PCDHGB4: variants seen among roughly 807,000 people sequenced by gnomAD.
PCDHGB4 encodes the protein protocadherin gamma-B4.
PCDHGB4 carries 38 observed loss-of-function variants against 60.5 expected under a neutral mutation model. The ratio of observed to expected loss-of-function variants is 0.63; its 90% CI spans 0.48 to 0.82. The LOEUF is 0.82. Ranked by LOEUF, PCDHGB4 falls within the 40% of genes least tolerant of loss-of-function variation. PCDHGB4 has a pLI of 0.00. For missense variants in PCDHGB4, 1,109 were observed against 1,209.6 expected (o/e 0.92, Z 1.23); for synonymous variants, 456 against 509.7 (o/e 0.89, Z 1.42).
At position 141,433,251 on chromosome 5, in the gene PCDHGB4, C is replaced by T. The variant is rs1022165468; in HGVS notation, c.2397+42970C>T. The T allele has an allele frequency of 1.1e-5, 16 of 1,423,126 alleles. No homozygotes were observed. In the East Asian group the frequency reaches 3.7e-4, roughly 33 times the overall value. 88.2% of individuals were successfully genotyped at this position (1,423,126 alleles called of 1,614,324 possible). A position where few individuals can be genotyped will look rare whatever the true frequency, so the allele number is the denominator to read the frequency against. ...CTCTGTCTCCCAAGCTGGAATGCAGCGGTACGATCATAGCTCACTGCAGCC... is the reference window on the plus strand; with the variant it reads ...CTCTGTCTCCCAAGCTGGAATGCAGTGGTACGATCATAGCTCACTGCAGCC... On this transcript the variant is annotated intron_variant, in intron 1 of 3. Transcript: ENST00000519479.
chr5:141,431,237 C>A lies in PCDHGB4; in HGVS notation c.2397+40956C>A. 1 of 1,614,170 alleles carries A rather than the reference C, an allele frequency of 6.2e-7. No homozygotes were observed. Among genetic ancestry groups the A allele is most frequent in the Non-Finnish European group, 8.5e-7 (1 of 1,180,044 alleles). The stretch of plus-strand genomic sequence containing the variant: ...GTTCCCTCTACCCCACGCCTGGGAT[C>A]CGGATATCGGGAAGAACTCTCTGCA... On this transcript the variant is annotated intron_variant, in intron 1 of 3. Transcript: ENST00000519479. The surrounding 1 kb of genome is among the most constrained non-coding windows in gnomAD (Gnocchi z 4.8).
At chr5:141,498,318 G>T (rs927950671) in intron 2 of PCDHGB4, among the ~76,000 whole-genome samples, 2 of 151,792 alleles carry the variant, frequency 1.3e-5, no homozygotes, top group African/African-American at 4.8e-5. Flanking sequence ...TGCCTACACA[G>T]AAGGAAGAGC....
intron 1 of PCDHGB4, among the ~76,000 whole-genome samples, chr5:141,447,165 G>T (rs1192617600): frequency 6.6e-6 from 1 of 151,842 alleles, no homozygotes; most frequent in African/African-American, 2.4e-5. Flanking sequence ...TTTAAGCGGG[G>T]TCTTGCTCTT....
rs376494807 is a variant in PCDHGB4 at position 141,491,836 on chromosome 5, G to A, written c.2398-2971G>A. 4.2e-5 allele frequency: 62 copies of A among 1,472,880 alleles called. No homozygotes were observed. The highest frequency in any genetic ancestry group is 3.6e-4 in the Middle Eastern group (2 of 5,606). 91.2% of individuals were successfully genotyped at this position (1,472,880 alleles called of 1,614,324 possible). A position where few individuals can be genotyped will look rare whatever the true frequency, so the allele number is the denominator to read the frequency against. On this transcript the variant is annotated intron_variant, in intron 1 of 3. Coordinates refer to ENST00000519479, the MANE Select transcript of PCDHGB4 (RefSeq NM_003736.4). This position sits in a 1 kb window ranked among gnomAD's most constrained non-coding sequence, Gnocchi z 6.9. ...CTGGCTGCGCTCCACCCGATTCTCG[G>A]GATCATTGGACCGTTTGCGCGAAAC...
chr5:141,441,103 A>C (rs2098225469), intron 1 of PCDHGB4: 1 of 152,198 alleles, frequency 6.6e-6, no homozygotes, highest in Non-Finnish European at 1.5e-5. Flanking sequence ...AGAGGGACTC[A>C]TTGTCCAGTG....
intron 1 of PCDHGB4, chr5:141,416,811 A>C (rs1355425793): frequency 2.6e-5 from 4 of 152,188 alleles, no homozygotes; most frequent in Non-Finnish European, 5.9e-5. Context: ...AAAGTCAAAA[A>C]GCATTCCGAA....
chr5:141,401,342 C>CA (rs929380194), intron 1 of PCDHGB4, among the ~76,000 whole-genome samples: 26 of 150,494 alleles, frequency 1.7e-4, no homozygotes, highest in East Asian at 1.6e-3. Context: ...AACTCCATCT[C>CA]AAAAAAAAGG....
chr5:141,496,772 T>C (rs994207358), intron 2 of PCDHGB4, among the ~76,000 whole-genome samples: 9 of 152,008 alleles, frequency 5.9e-5, no homozygotes, highest in African/African-American at 1.2e-4. Flanking sequence ...GCATCTACTA[T>C]GAGCAGGGCC....
At chr5:141,507,432 C>T (rs2099860585) in intron 3 of PCDHGB4, 1 of 152,198 alleles carries the variant, frequency 6.6e-6, no homozygotes. Flanking sequence ...GGGGCCAGGC[C>T]TACAGCTGAC....
rs1323439261 is a variant in PCDHGB4 at position 141,389,560 on chromosome 5, G to T, written c.1676G>T (p.Arg559Leu). 3.1e-6 allele frequency: 5 copies of T among 1,613,224 alleles called. No individual in the cohort carries two copies. Among genetic ancestry groups the T allele is most frequent in the Non-Finnish European group, 4.2e-6 (5 of 1,179,778 alleles). ...LVDDRNDNAP[R>L]VLYPALGPDG... Reference sequence around the variant, plus strand: ...GACGACCGCAACGACAATGCGCCACGGGTGCTGTACCCCGCGCTGGGTCCC... The same window carrying T: ...GACGACCGCAACGACAATGCGCCACTGGTGCTGTACCCCGCGCTGGGTCCC... The change falls in exon 1 of 4, where the codon CGG becomes CTG. Residue 559 changes from arginine to leucine, a missense_variant. Physicochemically the swap from Arg to Leu is moderately radical, Grantham distance 102. Around this residue, in one of 2 missense-constraint regions of PCDHGB4, gnomAD observed 1,068 missense variants for 1,089.9 expected, o/e 0.98. Transcript: ENST00000519479.
At position 141,389,488 on chromosome 5, in the gene PCDHGB4, A is replaced by G. The variant is rs1405287897; in HGVS notation, c.1604A>G (p.Gln535Arg). 1.2e-6 allele frequency: 2 copies of G among 1,612,912 alleles called. No individual in the cohort carries two copies. The highest frequency in any genetic ancestry group is 1.7e-6 in the Non-Finnish European group (2 of 1,179,726). The change falls in exon 1 of 4, where the codon CAG (glutamine) becomes CGG (arginine). Residue 535 changes from glutamine (Q) to arginine (R), a missense_variant. Gln to Arg is a conservative substitution (Grantham distance 43). Coordinates refer to ENST00000519479, the MANE Select transcript of PCDHGB4 (RefSeq NM_003736.4). ...AFELTLQARD[Q>R]GSPALSANVS... is the part of the protein sequence containing the mutation. ...GAACTCACACTGCAGGCCCGCGACC[A>G]GGGCTCGCCAGCGCTCAGCGCGAAC...
chr5:141,421,476 C>A, intron 1 of PCDHGB4: 2 of 1,614,158 alleles, frequency 1.2e-6, no homozygotes, highest in Non-Finnish European at 1.7e-6. Context: ...CGCGAAGCGG[C>A]AGCTTGATCA....
At chr5:141,413,385 A>G (rs1328460811) in intron 1 of PCDHGB4, 23 of 1,613,870 alleles carry the variant, frequency 1.4e-5, no homozygotes, top group Non-Finnish European at 1.8e-5. Flanking sequence ...GAGTCCGCAT[A>G]GTCTCCAGAG....
At chr5:141,419,600 G>A (rs1304962440) in intron 1 of PCDHGB4, 3 of 1,611,816 alleles carry the variant, frequency 1.9e-6, no homozygotes, top group Non-Finnish European at 2.5e-6. Context: ...AGTGCCGCGG[G>A]CCGCGCAGCC....
In PCDHGB4 at chr5:141,431,149, G is replaced by A. The variant is rs150692324; in HGVS notation, c.2397+40868G>A. Reference sequence around the variant, plus strand: ...AAGTAAGGGACATTAACGACAATGCGCCTTACTTTCGTGAAAGTGAATTAG... The same window carrying A: ...AAGTAAGGGACATTAACGACAATGCACCTTACTTTCGTGAAAGTGAATTAG... On this transcript the variant is annotated intron_variant, in intron 1 of 3. Coordinates refer to ENST00000519479, the MANE Select transcript of PCDHGB4 (RefSeq NM_003736.4). This position sits in a 1 kb window ranked among gnomAD's most constrained non-coding sequence, Gnocchi z 4.8. The A allele has an allele frequency of 3.7e-4, 605 of 1,614,210 alleles. No individual in the cohort carries two copies. Among genetic ancestry groups the A allele is most frequent in the Non-Finnish European group, 4.7e-4 (552 of 1,180,020 alleles).
rs377061064 is a variant in PCDHGB4, at chr5:141,505,429, C to A, written c.2493C>A (p.Asn831Lys). 1.2e-6 allele frequency: 2 copies of A among 1,614,116 alleles called. No homozygotes were observed. Among genetic ancestry groups the A allele is most frequent in the African/African-American group, 1.3e-5 (1 of 74,938 alleles). Residue 831 changes from asparagine (N) to lysine (K), a missense_variant, in exon 3 of 4, where the codon AAC becomes AAA. Asn to Lys is a moderately conservative substitution (Grantham distance 94, BLOSUM62 0). Coordinates refer to ENST00000519479, the MANE Select transcript of PCDHGB4 (RefSeq NM_003736.4). ...QNGDDTGTWP[N>K]NQFDTEMLQA... ...GCGATGACACCGGCACCTGGCCCAA[C>A]AACCAGTTTGACACAGAGATGCTGC...
chr5:141,410,760 A>C, intron 1 of PCDHGB4: 1 of 1,177,482 alleles, frequency 8.5e-7, no homozygotes. Context: ...ATGTTTTTTC[A>C]ATTATAGTTT....
Position 141,485,668 on chromosome 5 carries a change from T to C in PCDHGB4, c.2398-9139T>C. 6.2e-7 allele frequency: 1 copy of C among 1,612,698 alleles called. No homozygotes were observed. The highest frequency in any genetic ancestry group is 1.3e-5 in the African/African-American group (1 of 74,972). ...CTCAGGATGCAGATGTGGGGAGCAA[T>C]TCGATTAGCAGCTATAGGCTGAGCT... On this transcript the variant is annotated intron_variant, in intron 1 of 3. Transcript: ENST00000519479. The surrounding 1 kb of genome is among the most constrained non-coding windows in gnomAD (Gnocchi z 5.7).
intron 1 of PCDHGB4, among the ~76,000 whole-genome samples, chr5:141,469,492 T>C (rs1233507221): frequency 6.6e-6 from 1 of 152,038 alleles, no homozygotes; most frequent in Non-Finnish European, 1.5e-5. Flanking sequence ...GGAGAATCGC[T>C]TGAACCCGGG....
Sources: allele counts gnomAD v4.1 joint callset (sites outside exome capture counted in the v4.1 genomes callset), GRCh38; gene constraint gnomAD v4.1.1; regional missense constraint gnomAD v4.1.1; non-coding constraint Gnocchi (gnomAD v3.1); transcripts MANE v1.5; gene names NCBI Gene and HGNC (gene_info 2026-07-23, HGNC 2026-07-21).